Variants in MYO1D observed in about 807,000 individuals in gnomAD.
MYO1D encodes unconventional myosin-Id.
Under a neutral mutation model 122.0 loss-of-function variants are expected in MYO1D, and 83 were observed. The ratio of observed to expected loss-of-function variants is 0.68; its 90% CI spans 0.57 to 0.82. MYO1D has a LOEUF of 0.82. Among genes scored for constraint, MYO1D ranks in the 40% least tolerant of loss-of-function variants. The probability of loss-of-function intolerance (pLI) is 0.00; values close to 1 mark genes in which losing one functional copy is unlikely to be tolerated. For synonymous variants in MYO1D, 464 were observed against 446.9 expected (o/e 1.04, Z -0.48); for missense variants, 1,157 against 1,269.5 (o/e 0.91, Z 1.35).
chr17:32,816,385 T>A (rs2090613800), intron 1 of MYO1D, among the ~76,000 whole-genome samples: 1 of 152,160 alleles, frequency 6.6e-6, no homozygotes, highest in Non-Finnish European at 1.5e-5. Flanking sequence ...GTTAGGCAGC[T>A]AAAGAGAGAA....
At chr17:32,814,179 A>G (rs1365291891) in intron 1 of MYO1D, among the ~76,000 whole-genome samples, 1 of 152,110 alleles carries the variant, frequency 6.6e-6, no homozygotes, top group Non-Finnish European at 1.5e-5. Flanking sequence ...CCCTGTCTCC[A>G]CTAAAATTAC....
chr17:32,721,157 A>C lies in MYO1D; in HGVS notation c.1779T>G (p.Asn593Lys), dbSNP rs149127635. Reference protein sequence around the residue: ...EPYYVRCIKPNDKKSPQIFDD... With the variant: ...EPYYVRCIKPKDKKSPQIFDD... ...CAAATATCTGTGGAGATTTCTTGTC[A>C]TTGGGTTTGATGCAACGAACGTAAT... Residue 593 changes from asparagine (N) to lysine (K), a missense_variant, in exon 15 of 22, where the codon AAT (asparagine) becomes AAG (lysine). Coordinates refer to ENST00000318217, the MANE Select transcript of MYO1D (RefSeq NM_015194.3). The C allele has an allele frequency of 1.9e-6, 3 of 1,613,868 alleles. No homozygotes were observed. Among genetic ancestry groups the C allele is most frequent in the Non-Finnish European group, 2.5e-6 (3 of 1,179,934 alleles).
chr17:32,607,307 G>A (rs1190757339), intron 20 of MYO1D, among the ~76,000 whole-genome samples: 1 of 151,940 alleles, frequency 6.6e-6, no homozygotes, highest in Non-Finnish European at 1.5e-5. Context: ...AAGGTCAAAG[G>A]ATACAAGGCT....
chr17:32,712,327 C>T (rs2089388867), intron 15 of MYO1D, 132 bp from the exon 16 acceptor site: 1 of 783,812 alleles, frequency 1.3e-6, no homozygotes, highest in Non-Finnish European at 2.0e-6. Context: ...TTTCATTAGC[C>T]TCATAAGGTA....
At chr17:32,600,659 G>T (rs2087551256) in intron 21 of MYO1D, among the ~76,000 whole-genome samples, 1 of 151,704 alleles carries the variant, frequency 6.6e-6, no homozygotes, top group South Asian at 2.1e-4. Context: ...AGCCTTCAAA[G>T]AATTTAAGAG....
chr17:32,526,953 T>A (rs943549559), intron 21 of MYO1D, among the ~76,000 whole-genome samples: 1 of 152,234 alleles, frequency 6.6e-6, no homozygotes, highest in Non-Finnish European at 1.5e-5. Flanking sequence ...TACAGTTACA[T>A]AAAATCTCCA....
intron 20 of MYO1D, among the ~76,000 whole-genome samples, chr17:32,625,768 TG>T (rs768116375): frequency 3.9e-5 from 6 of 152,136 alleles, no homozygotes; most frequent in Non-Finnish European, 7.4e-5. Flanking sequence ...TGAGTGCAGG[TG>T]ATCTGCCTGC....
chr17:32,520,652 A>AT (rs1403500684), intron 21 of MYO1D, among the ~76,000 whole-genome samples: 1 of 152,148 alleles, frequency 6.6e-6, no homozygotes, highest in Non-Finnish European at 1.5e-5. Flanking sequence ...GGCTCCCCCG[A>AT]TACAGGTCAT....
chr17:32,690,189 T>TC (rs2073000654), intron 16 of MYO1D, among the ~76,000 whole-genome samples: 1 of 151,332 alleles, frequency 6.6e-6, no homozygotes, highest in African/African-American at 2.4e-5. Flanking sequence ...GTTTATCTTT[T>TC]TTTTTTTTTT....
At chr17:32,631,099 CTG>C (rs1267782099) in intron 20 of MYO1D, among the ~76,000 whole-genome samples, 1 of 152,094 alleles carries the variant, frequency 6.6e-6, no homozygotes, top group Admixed American at 6.5e-5. Flanking sequence ...GGTTTGGACT[CTG>C]ATATATAAAT....
intron 1 of MYO1D, among the ~76,000 whole-genome samples, chr17:32,828,252 C>T (rs1457215502): frequency 6.6e-6 from 1 of 152,168 alleles, no homozygotes; most frequent in Non-Finnish European, 1.5e-5. Flanking sequence ...CGCAGTGGCT[C>T]ACGCCTGTAA....
At chr17:32,674,612 A>G (rs2088778146) in intron 16 of MYO1D, among the ~76,000 whole-genome samples, 2 of 152,252 alleles carry the variant, frequency 1.3e-5, no homozygotes, top group African/African-American at 2.4e-5. Context: ...TAAAAAGCAG[A>G]AAATATATTT....
intron 21 of MYO1D, among the ~76,000 whole-genome samples, chr17:32,553,289 G>C (rs115127932): frequency 0.011 from 1,679 of 152,200 alleles, 39 homozygotes; most frequent in African/African-American, 0.038. Context: ...TAGTGCCAAG[G>C]GACCTCTGAG....
chr17:32,627,480 G>A (rs556777362), intron 20 of MYO1D, among the ~76,000 whole-genome samples: 2 of 152,278 alleles, frequency 1.3e-5, no homozygotes, highest in African/African-American at 2.4e-5. Context: ...TCTTCCAAAC[G>A]AAATGATATC....
At chr17:32,773,538 C>T (rs2090143270) in intron 4 of MYO1D, among the ~76,000 whole-genome samples, 2 of 149,574 alleles carry the variant, frequency 1.3e-5, no homozygotes, top group Admixed American at 6.7e-5. Context: ...CTACCCCCAC[C>T]CCCCGACCCC....
chr17:32,553,472 C>T (rs1279540932), intron 21 of MYO1D, among the ~76,000 whole-genome samples: 1 of 152,104 alleles, frequency 6.6e-6, no homozygotes, highest in Admixed American at 6.6e-5. Context: ...GCGAATGGAC[C>T]TGACATAGAA....
chr17:32,685,320 A>G (rs2088990312), intron 16 of MYO1D, among the ~76,000 whole-genome samples: 1 of 152,212 alleles, frequency 6.6e-6, no homozygotes, highest in East Asian at 1.9e-4. Flanking sequence ...ATTTAGATGA[A>G]CTAGATACCC....
Position 32,755,518 on chromosome 17 carries a change from T to C in MYO1D, c.1441A>G (p.Lys481Glu), listed in dbSNP as rs774799673. 44 of 1,613,824 alleles carry C rather than the reference T, an allele frequency of 2.7e-5. No individual in the cohort carries two copies. The South Asian group carries it at 3.4e-4, about 12-fold the overall frequency. The part of the protein sequence containing the change: ...FLEALNSKLG[K>E]HAHFSSRKLC... ...TTTCGGCTGGAAAAATGGGCGTGTT[T>C]GCCCAATTTACTGTTAAGTGCTTCA... The change falls in exon 11 of 22, where the codon AAA becomes GAA. Residue 481 changes from lysine to glutamate, a missense_variant. Transcript: ENST00000318217.
chr17:32,561,651 C>A (rs2087126794), intron 21 of MYO1D, among the ~76,000 whole-genome samples: 1 of 146,450 alleles, frequency 6.8e-6, no homozygotes, highest in Non-Finnish European at 1.5e-5. Context: ...GATCCCGCCA[C>A]TGCACTCCAG....
Sources: allele counts gnomAD v4.1 joint callset (sites outside exome capture counted in the v4.1 genomes callset), GRCh38; gene constraint gnomAD v4.1.1; transcripts MANE v1.5; gene names NCBI Gene and HGNC (gene_info 2026-07-23, HGNC 2026-07-21).